Variants in FOXP2 observed in about 807,000 individuals in gnomAD.
FOXP2 encodes forkhead box protein P2.
FOXP2 carries 12 observed loss-of-function variants against 115.8 expected under a neutral mutation model. That is an observed-to-expected ratio of 0.10 (90% CI 0.07 to 0.17). The LOEUF (loss-of-function observed/expected upper bound fraction) is 0.17. FOXP2 is among the 10% of genes least tolerant of loss of function. The probability of loss-of-function intolerance (pLI) is 1.00; values close to 1 mark genes in which losing one functional copy is unlikely to be tolerated. For missense variants in FOXP2, 629 were observed against 843.5 expected (o/e 0.75, Z 3.15); for synonymous variants, 328 against 297.7 (o/e 1.10, Z -1.05).
intron 2 of FOXP2, among the ~76,000 whole-genome samples, chr7:114,435,835 G>A (rs1015242218): frequency 1.3e-5 from 2 of 152,236 alleles, no homozygotes; most frequent in Admixed American, 6.5e-5. Flanking sequence ...CATTGTGCCC[G>A]GCTGTCAGAA....
Position 114,297,444 on chromosome 7 carries a change from A to G in FOXP2, c.-11+9335A>G. The stretch of plus-strand genomic sequence containing the variant: ...CCAGAGCCATGGCTGCTGCTCTTCA[A>G]TGGCTGCCGTAGTGGAAGCACTATA... On this transcript the variant is annotated intron_variant, in intron 2 of 17. Coordinates refer to the FOXP2 transcript ENST00000634411. 6 of 474,016 alleles carry G rather than the reference A, an allele frequency of 1.3e-5. No homozygotes were observed. The South Asian group carries it at 1.4e-4, about 11-fold the overall frequency. 29.4% of individuals were successfully genotyped at this position (474,016 alleles called of 1,614,324 possible).
At chr7:114,372,040 GC>G (rs1157934564) in intron 2 of FOXP2, among the ~76,000 whole-genome samples, 19 of 152,100 alleles carry the variant, frequency 1.2e-4, no homozygotes, top group African/African-American at 4.6e-4. Context: ...TCTACCGAGT[GC>G]TTTATTATCT....
intron 2 of FOXP2, among the ~76,000 whole-genome samples, chr7:114,482,253 A>G (rs2129238073): frequency 6.6e-6 from 1 of 151,630 alleles, no homozygotes; most frequent in East Asian, 1.9e-4. Flanking sequence ...AGTCCTACTC[A>G]ATGCCTTGAG....
At chr7:114,656,401 T>A (rs1315474331) in intron 10 of FOXP2, 1 of 304,824 alleles carries the variant, frequency 3.3e-6, no homozygotes, top group South Asian at 2.5e-5. Flanking sequence ...TTTCTAAATA[T>A]AACATTGTTA....
At chr7:114,434,004 T>G (rs916617777) in intron 2 of FOXP2, among the ~76,000 whole-genome samples, 4 of 151,870 alleles carry the variant, frequency 2.6e-5, no homozygotes, top group Non-Finnish European at 5.9e-5. Flanking sequence ...GAAAAAAAAG[T>G]CCTTGGATCT....
intron 2 of FOXP2, among the ~76,000 whole-genome samples, chr7:114,383,360 C>CT (rs1307457327): frequency 6.6e-6 from 1 of 151,992 alleles, no homozygotes; most frequent in Admixed American, 6.5e-5. Context: ...CATTGGCACT[C>CT]TTTGATTTAT....
chr7:114,088,776 G>T (rs1426472404), intron 1 of FOXP2, among the ~76,000 whole-genome samples: 1 of 152,184 alleles, frequency 6.6e-6, no homozygotes, highest in Non-Finnish European at 1.5e-5. Context: ...TATTCCCAGT[G>T]TACTGGAATT....
At chr7:114,366,878 C>G (rs1274378955) in intron 2 of FOXP2, among the ~76,000 whole-genome samples, 1 of 151,846 alleles carries the variant, frequency 6.6e-6, no homozygotes, top group Non-Finnish European at 1.5e-5. Context: ...TCAGTTGATT[C>G]AGGGGAATTA....
At chr7:114,119,553 A>G (rs1452906795) in intron 1 of FOXP2, among the ~76,000 whole-genome samples, 1 of 151,818 alleles carries the variant, frequency 6.6e-6, no homozygotes, top group Non-Finnish European at 1.5e-5. Context: ...CCAGCCTAAA[A>G]AAAATTAAAA....
chr7:114,210,825 A>G (rs1224736382), intron 1 of FOXP2, among the ~76,000 whole-genome samples: 4 of 152,108 alleles, frequency 2.6e-5, no homozygotes, highest in Non-Finnish European at 5.9e-5. Context: ...GATAAGCTCT[A>G]TCTGTAGGAC....
At chr7:114,157,339 C>T (rs1318593758) in intron 1 of FOXP2, among the ~76,000 whole-genome samples, 1 of 151,856 alleles carries the variant, frequency 6.6e-6, no homozygotes, top group African/African-American at 2.4e-5. Context: ...TTATTCCTGG[C>T]TAAGAGAATA....
intron 3 of FOXP2, among the ~76,000 whole-genome samples, chr7:114,602,847 A>C (rs960855927): frequency 3.3e-5 from 5 of 152,206 alleles, no homozygotes; most frequent in Non-Finnish European, 7.3e-5. Context: ...GAATTGGTCT[A>C]AAATATGGGT....
At chr7:114,609,011 C>T (rs868199490) in intron 3 of FOXP2, among the ~76,000 whole-genome samples, 1 of 151,896 alleles carries the variant, frequency 6.6e-6, no homozygotes, top group Admixed American at 6.6e-5. Flanking sequence ...CCAGCCTGAG[C>T]AACATGACGA....
chr7:114,145,458 T>TTTCTTTTCTTTTCTTTTCTTTTCTC (rs1792342786), intron 1 of FOXP2, among the ~76,000 whole-genome samples: 1 of 138,122 alleles, frequency 7.2e-6, no homozygotes, highest in Admixed American at 7.3e-5. Flanking sequence ...TTTCTTTTCT[T>TTTCTTTTCTTTTCTTTTCTTTTCTC]TTCTTTTCTT....
chr7:114,180,323 T>G (rs1172285043), intron 1 of FOXP2, among the ~76,000 whole-genome samples: 1 of 151,976 alleles, frequency 6.6e-6, no homozygotes, highest in African/African-American at 2.4e-5. Context: ...TAAGACTTTC[T>G]TGTGAGCCCT....
chr7:114,423,393 G>T (rs1429436149), intron 1 of FOXP2, among the ~76,000 whole-genome samples: 2 of 151,520 alleles, frequency 1.3e-5, no homozygotes, highest in South Asian at 4.1e-4. Flanking sequence ...AAAAAGGAAA[G>T]GAAGGAAAAC....
At chr7:114,221,561 C>T (rs989259703) in intron 1 of FOXP2, among the ~76,000 whole-genome samples, 1 of 152,032 alleles carries the variant, frequency 6.6e-6, no homozygotes, top group African/African-American at 2.4e-5. Flanking sequence ...TTATCCATTA[C>T]CCCCCTCCCC....
At chr7:114,276,431 C>T (rs530319587) in intron 1 of FOXP2, among the ~76,000 whole-genome samples, 20 of 152,174 alleles carry the variant, frequency 1.3e-4, no homozygotes, top group Admixed American at 1.3e-3. Flanking sequence ...TCCCAATGTG[C>T]TAGAATTACA....
chr7:114,555,595 G>A (rs7800068), intron 3 of FOXP2, among the ~76,000 whole-genome samples: 26,174 of 151,908 alleles, frequency 0.17, 2,696 homozygotes, highest in African/African-American at 0.29. Context: ...TCAGGAGTTC[G>A]AGACCAGCCT....
Sources: gnomAD v4.1 joint callset for allele counts (sites outside exome capture counted in the v4.1 genomes callset) on GRCh38, gnomAD v4.1.1 for gene constraint, MANE v1.5 for transcripts, NCBI Gene and HGNC (gene_info 2026-07-23, HGNC 2026-07-21) for gene names.